Variants in WDR49 observed in about 807,000 individuals in gnomAD.
The protein encoded by WDR49 is cilia- and flagella-associated protein 337.
WDR49 carries 107 observed loss-of-function variants against 119.5 expected under a neutral mutation model. The observed-to-expected ratio is 0.90, with a 90% CI of 0.77 to 1.05. The LOEUF (loss-of-function observed/expected upper bound fraction) is 1.05. Ranked by LOEUF, WDR49 falls within the 50% of genes least tolerant of loss-of-function variation. The probability of loss-of-function intolerance (pLI) is 0.00; values close to 1 mark genes in which losing one functional copy is unlikely to be tolerated. For synonymous variants in WDR49, 425 were observed against 418.8 expected, an observed-to-expected ratio of 1.01 and a Z score of -0.18; for missense variants, 1,240 against 1,220.5, an observed-to-expected ratio of 1.02 and a Z score of -0.24.
At chr3:167,566,990 G>T in intron 8 of WDR49, 1 of 546,896 alleles carries the variant, frequency 1.8e-6, no homozygotes, top group South Asian at 2.7e-5. Flanking sequence ...GAGGTCAGGA[G>T]AGGTGGGCAC....
intron 2 of WDR49, among the ~76,000 whole-genome samples, chr3:167,640,279 A>T (rs895117484): frequency 5.9e-5 from 9 of 151,804 alleles, no homozygotes; most frequent in African/African-American, 2.2e-4. Context: ...TTCTATTGTT[A>T]TTCTCTCTTG....
intron 2 of WDR49, among the ~76,000 whole-genome samples, chr3:167,639,186 C>T (rs1717760746): frequency 6.6e-6 from 1 of 151,692 alleles, no homozygotes; most frequent in Admixed American, 6.6e-5. Flanking sequence ...TTGGAAATCT[C>T]ACTGTAGCAA....
intron 10 of WDR49, among the ~76,000 whole-genome samples, chr3:167,541,633 A>G (rs749981839): frequency 1.3e-5 from 2 of 152,126 alleles, no homozygotes; most frequent in Admixed American, 6.6e-5. Flanking sequence ...AACACAGTGG[A>G]AAAACAACAA....
intron 8 of WDR49, among the ~76,000 whole-genome samples, chr3:167,570,439 T>C (rs1171049711): frequency 6.6e-6 from 1 of 152,210 alleles, no homozygotes; most frequent in Non-Finnish European, 1.5e-5. Context: ...AAATTATACC[T>C]CATCCCTCAT....
At chr3:167,565,214 T>C (rs1050102400) in intron 8 of WDR49, among the ~76,000 whole-genome samples, 7 of 152,116 alleles carry the variant, frequency 4.6e-5, no homozygotes, top group African/African-American at 7.2e-5. Context: ...CTTCAATTAA[T>C]TGGTAATTTG....
At chr3:167,535,847 G>A (rs1180680883) in intron 11 of WDR49, among the ~76,000 whole-genome samples, 1 of 151,904 alleles carries the variant, frequency 6.6e-6, no homozygotes. Flanking sequence ...GTCCATCAAT[G>A]AATAAATGAA....
chr3:167,532,944 T>C lies in WDR49; in HGVS notation c.1988A>G (p.Asn663Ser), dbSNP rs756722028. ...AACATGGTGAGCATTCTCTGTGCTA[T>C]TGTTCCATAGAACAATTTCTCCATC... ...SYDGEIVLWN[N>S]STENAHHVLH... The change falls in exon 12 of 19, where the codon AAT becomes AGT. Residue 663 changes from asparagine (N) to serine (S), a missense_variant. Coordinates refer to ENST00000682715, the MANE Select transcript of WDR49 (RefSeq NM_001366157.1). 7.5e-6 allele frequency: 12 copies of C among 1,608,986 alleles called. No homozygotes were observed. Among genetic ancestry groups the C allele is most frequent in the South Asian group, 6.6e-5 (6 of 90,570 alleles).
chr3:167,650,246 C>T (rs2108348301), intron 2 of WDR49, among the ~76,000 whole-genome samples: 1 of 152,286 alleles, frequency 6.6e-6, no homozygotes, highest in Middle Eastern at 3.4e-3. Flanking sequence ...CAATAGTTGG[C>T]TTTTGGAGTT....
At chr3:167,638,419 G>A (rs1717722612) in intron 2 of WDR49, among the ~76,000 whole-genome samples, 2 of 151,446 alleles carry the variant, frequency 1.3e-5, no homozygotes, top group South Asian at 4.2e-4. Context: ...TCAAAATGCA[G>A]CCTTTTCCCC....
intron 2 of WDR49, among the ~76,000 whole-genome samples, chr3:167,638,880 CA>C (rs1291500826): frequency 6.6e-6 from 1 of 151,500 alleles, no homozygotes; most frequent in Non-Finnish European, 1.5e-5. Flanking sequence ...TCTCACAAGC[CA>C]AAAATTCAAC....
At chr3:167,518,715 C>T (rs2108228434) in intron 16 of WDR49, among the ~76,000 whole-genome samples, 1 of 150,036 alleles carries the variant, frequency 6.7e-6, no homozygotes, top group South Asian at 2.2e-4. Context: ...GTTTCTTTTG[C>T]TGTGCAGAAG....
At chr3:167,652,421 C>A (rs962338240) in intron 2 of WDR49, among the ~76,000 whole-genome samples, 28 of 151,956 alleles carry the variant, frequency 1.8e-4, no homozygotes, top group Non-Finnish European at 1.0e-4. Context: ...CTCCAAGCAC[C>A]CACGGACAAT....
intron 2 of WDR49, among the ~76,000 whole-genome samples, chr3:167,628,056 T>G (rs188299256): frequency 3.3e-5 from 5 of 152,020 alleles, no homozygotes; most frequent in Non-Finnish European, 7.4e-5. Flanking sequence ...TGTAATTGTT[T>G]TGGGGCACCA....
At chr3:167,494,678 T>C (rs1437151548) in intron 18 of WDR49, among the ~76,000 whole-genome samples, 1 of 152,156 alleles carries the variant, frequency 6.6e-6, no homozygotes. Flanking sequence ...AGAGACTCTC[T>C]CATGGGAAAG....
At chr3:167,604,102 AT>A (rs1715915659) in intron 6 of WDR49, among the ~76,000 whole-genome samples, 198 bp downstream of exon 6, 1 of 152,018 alleles carries the variant, frequency 6.6e-6, no homozygotes, top group Admixed American at 6.6e-5. Context: ...ACTTTCTCAT[AT>A]TTTTACCTCA....
In WDR49 at chr3:167,560,221, C is replaced by CTGAT; in HGVS notation, c.1513_1516dup (p.Ser506AsnfsTer4). On this transcript the variant is annotated frameshift_variant, in exon 9 of 19. Transcript: ENST00000682715. LOFTEE classifies it high-confidence loss of function. ...GGAAACAGTAGACCCTGTATCAGAG[C>CTGAT]TGATTACCTAAGAGAAAATAACATT... The CTGAT allele has an allele frequency of 6.2e-7, 1 of 1,611,734 alleles. No individual in the cohort carries two copies. The highest frequency in any genetic ancestry group is 8.5e-7 in the Non-Finnish European group (1 of 1,179,282).
chr3:167,529,367 G>T, intron 13 of WDR49, 128 bp from the exon 14 acceptor site: 1 of 739,282 alleles, frequency 1.4e-6, no homozygotes, highest in Non-Finnish European at 2.1e-6. Flanking sequence ...TCAATTCCCA[G>T]CACCACTTTA....
intron 10 of WDR49, 31 bp from the exon 11 acceptor site, chr3:167,537,031 G>T (rs1452724239): frequency 6.5e-7 from 1 of 1,538,360 alleles, no homozygotes; most frequent in Non-Finnish European, 8.8e-7. Context: ...TTTAGCTGTG[G>T]ATCTAAAATT....
chr3:167,581,532 T>C (rs1450383086), intron 7 of WDR49, among the ~76,000 whole-genome samples: 1 of 152,182 alleles, frequency 6.6e-6, no homozygotes, highest in Non-Finnish European at 1.5e-5. Context: ...GAGGATTGAA[T>C]CAAAGAAATG....
Sources: gnomAD v4.1 joint callset for allele counts (sites outside exome capture counted in the v4.1 genomes callset) on GRCh38, gnomAD v4.1.1 for gene constraint, MANE v1.5 for transcripts, NCBI Gene and HGNC (gene_info 2026-07-23, HGNC 2026-07-21) for gene names.